SEH1L: variants seen among roughly 807,000 people sequenced by gnomAD.
SEH1L encodes the protein SEH1 like nucleoporin, also known as nucleoporin SEH1.
A neutral mutation model predicts 49.5 loss-of-function variants in SEH1L; 18 were observed. That is an observed-to-expected ratio of 0.36 (90% CI 0.25 to 0.54). The LOEUF (loss-of-function observed/expected upper bound fraction) is 0.54, where lower values mean the gene tolerates loss of function less well. Among genes scored for constraint, SEH1L ranks in the 20% least tolerant of loss-of-function variants. The pLI, the probability that SEH1L is intolerant of heterozygous loss-of-function variation, is 0.87. For synonymous variants in SEH1L, 169 were observed against 178.1 expected (o/e 0.95, Z 0.41); for missense variants, 404 against 528.8 (o/e 0.76, Z 2.31).
At position 12,951,908 on chromosome 18, in the gene SEH1L, T is replaced by C. The variant is rs752829682; in HGVS notation, c.162+3T>C. On this transcript the variant is annotated splice_donor_region_variant and intron_variant, in intron 2 of 8. Coordinates refer to ENST00000399892, the MANE Select transcript of SEH1L (RefSeq NM_001013437.2). ...GGCATTGTACTGCTAGCTGGAAGGT[T>C]AGTATTTATTTTTACATTTATTAAA... The C allele has an allele frequency of 1.3e-6, 2 of 1,493,026 alleles. No individual in the cohort carries two copies. Among genetic ancestry groups the C allele is most frequent in the South Asian group, 2.5e-5 (2 of 80,584 alleles). The allele number at this position is 1,493,026 out of a possible 1,614,324, so 92.5% of individuals were successfully genotyped here.
intron 3 of SEH1L, among the ~76,000 whole-genome samples, chr18:12,957,150 G>A (rs543183887): frequency 2.8e-4 from 43 of 152,098 alleles, no homozygotes; most frequent in African/African-American, 8.4e-4. Flanking sequence ...GTCCTCGGCC[G>A]GGTGCGGTGG....
rs2032440946 is a variant in SEH1L at position 12,985,949 on chromosome 18, A to C, written c.1071-913A>C. ...CTAAGATGGAAACACTTTTTTTATA[A>C]GTTTTTAATTCATAGTCACTAAAGA... On this transcript the variant is annotated intron_variant, in intron 8 of 8. Transcript: ENST00000399892. 4 of 906,738 alleles carry C rather than the reference A, an allele frequency of 4.4e-6. No homozygotes were observed. The South Asian group carries it at 1.5e-4, about 35-fold the overall frequency. The allele number at this position is 906,738 out of a possible 1,614,324, so 56.2% of individuals were successfully genotyped here.
At chr18:12,954,298 C>T (rs1024489334) in intron 2 of SEH1L, among the ~76,000 whole-genome samples, 1 of 152,208 alleles carries the variant, frequency 6.6e-6, no homozygotes, top group Non-Finnish European at 1.5e-5. Context: ...TGTATCCCTT[C>T]TCCAGCCACC....
In SEH1L at chr18:12,987,261, C is replaced by G. The variant is rs1485993033; in HGVS notation, c.*204C>G. 4 of 412,288 alleles carry G rather than the reference C, an allele frequency of 9.7e-6. No homozygotes were observed. The highest frequency in any genetic ancestry group is 8.2e-5 in the African/African-American group (4 of 48,568). 25.5% of individuals were successfully genotyped at this position (412,288 alleles called of 1,614,324 possible). A position where few individuals can be genotyped will look rare whatever the true frequency, so the allele number is the denominator to read the frequency against. ...GAACATTTGCTTCACTGGGTGATAA[C>G]CTTTGATGAAATGAGATATGTCCAA... is the stretch of plus-strand genomic sequence containing the variant. On this transcript the variant is annotated 3_prime_UTR_variant, in exon 9 of 9. Transcript: ENST00000399892.
At chr18:12,957,175 C>G (rs1359518903) in intron 3 of SEH1L, among the ~76,000 whole-genome samples, 1 of 152,160 alleles carries the variant, frequency 6.6e-6, no homozygotes, top group Non-Finnish European at 1.5e-5. Flanking sequence ...CGCCTATAAT[C>G]CCAGCACTTT....
chr18:12,962,891 T>C (rs908793448), intron 3 of SEH1L, among the ~76,000 whole-genome samples: 4 of 152,244 alleles, frequency 2.6e-5, no homozygotes, highest in East Asian at 1.9e-4. Context: ...AGATTACTTA[T>C]ATAACAAAGG....
intron 1 of SEH1L, among the ~76,000 whole-genome samples, chr18:12,951,245 A>G (rs2030505815): frequency 6.6e-6 from 1 of 152,140 alleles, no homozygotes; most frequent in Non-Finnish European, 1.5e-5. Flanking sequence ...ATTTAGTGCA[A>G]TGATTATTTG....
chr18:12,982,381 A>G (rs1270104221), intron 6 of SEH1L, 137 bp from the exon 7 acceptor site: 1 of 581,818 alleles, frequency 1.7e-6, no homozygotes, highest in African/African-American at 1.9e-5. Context: ...AGATGTGCAC[A>G]TTATTATAAA....
chr18:12,984,212 C>G (rs2032381284), intron 8 of SEH1L, 22 bp downstream of exon 8: 3 of 1,609,500 alleles, frequency 1.9e-6, no homozygotes, highest in Non-Finnish European at 2.6e-6. Flanking sequence ...CATGGGAAAA[C>G]TGGAAATCAT....
intron 6 of SEH1L, among the ~76,000 whole-genome samples, chr18:12,980,065 GC>G (rs2032126365): frequency 9.2e-6 from 1 of 109,242 alleles, no homozygotes; most frequent in African/African-American, 3.9e-5. Flanking sequence ...GGACGGGGCG[GC>G]TGGCCGGGCG....
intron 2 of SEH1L, 46 bp downstream of exon 2, chr18:12,951,951 T>A (rs2030560615): frequency 2.9e-6 from 3 of 1,049,558 alleles, no homozygotes; most frequent in Admixed American, 2.4e-5. Context: ...AAATATTTAC[T>A]GTTTATTTTA....
intron 2 of SEH1L, 76 bp from the exon 3 acceptor site, chr18:12,955,387 G>A (rs1378951914): frequency 7.2e-7 from 1 of 1,387,100 alleles, no homozygotes; most frequent in Non-Finnish European, 9.9e-7. Flanking sequence ...TATGAAATAT[G>A]AATAAGTATT....
At chr18:12,975,327 T>C (rs1233425926) in intron 5 of SEH1L, among the ~76,000 whole-genome samples, 2 of 150,592 alleles carry the variant, frequency 1.3e-5, no homozygotes, top group African/African-American at 4.9e-5. Context: ...TTGCCTCAGG[T>C]AAGAAAAAAA....
intron 4 of SEH1L, among the ~76,000 whole-genome samples, chr18:12,965,644 G>A (rs2031417141): frequency 1.3e-5 from 2 of 152,226 alleles, no homozygotes; most frequent in Admixed American, 6.5e-5. Flanking sequence ...TTAACGAGCT[G>A]TCGTCAGTCT....
intron 4 of SEH1L, among the ~76,000 whole-genome samples, chr18:12,965,990 T>C (rs2031432722): frequency 2.0e-5 from 3 of 152,190 alleles, no homozygotes; most frequent in Non-Finnish European, 4.4e-5. Context: ...ACTTTCCTCA[T>C]TCCCCTTCTC....
chr18:12,957,283 C>T (rs1287085095), intron 3 of SEH1L, among the ~76,000 whole-genome samples: 2 of 151,872 alleles, frequency 1.3e-5, no homozygotes, highest in African/African-American at 4.8e-5. Context: ...CAAAAATTAG[C>T]TGAGCATGGT....
Position 12,973,882 on chromosome 18 carries a change from G to T in SEH1L, c.620+2631G>T, listed in dbSNP as rs148731401. On this transcript the variant is annotated intron_variant, in intron 5 of 8. Coordinates refer to ENST00000399892, the MANE Select transcript of SEH1L (RefSeq NM_001013437.2). ...ATAGCTCCCTCTTATGATCACAAAA[G>T]AGCTGCACAATGTCAGGTTTTACAT... 1.2e-3 allele frequency: 180 copies of T among 152,300 alleles called. 3 individuals are homozygous for T. The highest frequency in any genetic ancestry group is 4.1e-3 in the African/African-American group (171 of 41,552). 9.4% of individuals were successfully genotyped at this position (152,300 alleles called of 1,614,324 possible). A position where few individuals can be genotyped will look rare whatever the true frequency, so the allele number is the denominator to read the frequency against.
At chr18:12,957,617 A>G (rs1568212580) in intron 3 of SEH1L, among the ~76,000 whole-genome samples, 1 of 152,226 alleles carries the variant, frequency 6.6e-6, no homozygotes, top group Non-Finnish European at 1.5e-5. Context: ...TGAAGGTATT[A>G]TCATCTGCAT....
intron 3 of SEH1L, among the ~76,000 whole-genome samples, chr18:12,958,064 CTTTTTTTTTTTTTTTTTTT>C (rs57733399): frequency 9.7e-5 from 6 of 62,044 alleles, no homozygotes; most frequent in East Asian, 5.5e-4. Context: ...CTCATTTTAA[CTTTTTTTTTTTTTTTTTTT>C]TTTTTTTTTT....
Sources: gnomAD v4.1 joint callset for allele counts (sites outside exome capture counted in the v4.1 genomes callset) on GRCh38, gnomAD v4.1.1 for gene constraint, MANE v1.5 for transcripts, NCBI Gene and HGNC (gene_info 2026-07-23, HGNC 2026-07-21) for gene names.